Variants in SUMF2 observed in about 807,000 individuals in gnomAD.
SUMF2 encodes sulfatase modifying factor 2, also known as inactive C-alpha-formylglycine-generating enzyme 2.
Under a neutral mutation model 44.8 loss-of-function variants are expected in SUMF2, and 45 were observed. The observed-to-expected ratio is 1.00, with a 90% CI of 0.79 to 1.29. The LOEUF (loss-of-function observed/expected upper bound fraction) is 1.29. SUMF2 is among the 50% of genes most tolerant of loss of function. The pLI is 0.00. For missense variants in SUMF2, 418 were observed against 389.9 expected (o/e 1.07, Z -0.61); for synonymous variants, 148 against 150.4 (o/e 0.98, Z 0.12).
intron 3 of SUMF2, chr7:56,073,767 T>C: frequency 5.0e-6 from 1 of 201,200 alleles, no homozygotes; most frequent in Non-Finnish European, 1.0e-5. Flanking sequence ...CCCCAGCACT[T>C]TGGGAGGCCG....
chr7:56,081,425 T>C, downstream of SUMF2: 2 of 1,313,742 alleles, frequency 1.5e-6, no homozygotes, highest in East Asian at 2.5e-5. The surrounding 1 kb of genome is among the most constrained non-coding windows in gnomAD (Gnocchi z 4.6). Flanking sequence ...GCCTTCCTAG[T>C]GTCCCCCACT....
intron 1 of SUMF2, among the ~76,000 whole-genome samples, chr7:56,066,349 C>G (rs1794799071): frequency 2.0e-5 from 3 of 152,164 alleles, no homozygotes; most frequent in Admixed American, 6.6e-5. Flanking sequence ...CTAGTCCTGT[C>G]TCCTGCTAAC....
rs201721444 is a variant in SUMF2 at position 56,068,626 on chromosome 7, A to G, written c.212A>G (p.Asn71Ser). ...GCCATCGACATATTTCCTGTCACCA[A>G]CAAAGATTTCAGGTACATCAGGTAT... ...PFAIDIFPVT[N>S]KDFRDFVREK... The change falls in exon 2 of 9, where the codon AAC (asparagine) becomes AGC (serine). Residue 71 changes from asparagine to serine, a missense_variant. By Grantham distance (46) the Asn-to-Ser change is conservative. Transcript: ENST00000434526. 54 of 1,613,654 alleles carry G rather than the reference A, an allele frequency of 3.3e-5. No individual in the cohort carries two copies. The highest frequency in any genetic ancestry group is 1.0e-4 in the Admixed American group (6 of 59,962).
At chr7:56,079,032 G>T in intron 8 of SUMF2, 2 of 571,692 alleles carry the variant, frequency 3.5e-6, no homozygotes, top group South Asian at 2.3e-5. Context: ...AAGTATCTGG[G>T]ACTACAGGTG....
rs761175891 is a variant in SUMF2, at chr7:56,074,699, G to A, written c.498G>A (p.Glu166=). Reference sequence around the variant, plus strand: ...GGCGGGGAAAACGACTGCCCACGGAGGAAGAGTGGGAGTTTGCCGCCCGAG... The same window carrying A: ...GGCGGGGAAAACGACTGCCCACGGAAGAAGAGTGGGAGTTTGCCGCCCGAG... The part of the protein sequence containing the change: ...CAWRGKRLPT[E]EEWEFAARGG... The change falls in exon 5 of 9, where the codon GAG becomes GAA. Residue 166 remains glutamate (E), a synonymous_variant. Coordinates refer to ENST00000434526, the MANE Select transcript of SUMF2 (RefSeq NM_015411.4). The A allele has an allele frequency of 1.1e-5, 17 of 1,614,062 alleles. No individual in the cohort carries two copies. In the East Asian group the frequency reaches 3.3e-4, roughly 32 times the overall value.
the SUMF2 span, chr7:56,087,446 C>A: frequency 4.4e-6 from 3 of 688,228 alleles, no homozygotes; most frequent in East Asian, 5.4e-5. Context: ...CTGCCTGGGA[C>A]CCCTTCTATC....
At chr7:56,066,866 C>T (rs554345176) in intron 1 of SUMF2, among the ~76,000 whole-genome samples, 17 of 152,302 alleles carry the variant, frequency 1.1e-4, no homozygotes, top group African/African-American at 3.6e-4. Flanking sequence ...GTAATCTGCC[C>T]GCCTCGGCCT....
At chr7:56,082,496 G>A (rs1254663760), downstream of SUMF2, among the ~76,000 whole-genome samples, 1 of 152,190 alleles carries the variant, frequency 6.6e-6, no homozygotes, top group African/African-American at 2.4e-5. Flanking sequence ...AGGAGGCTGA[G>A]ACAGGAGAAT....
downstream of SUMF2, chr7:56,081,784 A>C (rs199778139): frequency 0.046 from 74,402 of 1,608,790 alleles, 2,545 homozygotes; most frequent in East Asian, 0.2. This position sits in a 1 kb window ranked among gnomAD's most constrained non-coding sequence, Gnocchi z 4.6. Flanking sequence ...GGAACCGAGA[A>C]TGTCAAGGCA....
chr7:56,083,796 A>G (rs2242508), downstream of SUMF2: 415,364 of 946,328 alleles, frequency 0.44, 93,251 homozygotes, highest in African/African-American at 0.67. Flanking sequence ...GCTGCCTTCC[A>G]CCCTGATACC....
chr7:56,079,930 A>G lies in SUMF2; in HGVS notation c.*318A>G. ...GAGCACTCTGAAAGGCCATTTTTTA[A>G]GCATTTTAAAATCTATTCTCTCCCC... On this transcript the variant is annotated 3_prime_UTR_variant, in exon 9 of 9. Transcript: ENST00000434526. 2 of 1,394,048 alleles carry G rather than the reference A, an allele frequency of 1.4e-6. No homozygotes were observed. The highest frequency in any genetic ancestry group is 1.9e-6 in the Non-Finnish European group (2 of 1,042,262). 86.4% of individuals were successfully genotyped at this position (1,394,048 alleles called of 1,614,324 possible). A position where few individuals can be genotyped will look rare whatever the true frequency, so the allele number is the denominator to read the frequency against.
chr7:56,068,488 G>T lies in SUMF2; in HGVS notation c.74G>T (p.Gly25Val), dbSNP rs1794955927. 1 of 1,602,902 alleles carries T rather than the reference G, an allele frequency of 6.2e-7. No homozygotes were observed. The highest frequency in any genetic ancestry group is 1.1e-5 in the South Asian group (1 of 88,314). ...CTCTCTTTTTTCTCTGCAGGAAATGGACAGGCTACTAGCATGGTCCAACTG... is the reference window on the plus strand; with the variant it reads ...CTCTCTTTTTTCTCTGCAGGAAATGTACAGGCTACTAGCATGGTCCAACTG... The part of the protein sequence containing the change: ...LVGAWLKLGN[G>V]QATSMVQLQG... Residue 25 changes from glycine to valine, a missense_variant, in exon 2 of 9, where the codon GGA becomes GTA. By Grantham distance (109) the Gly-to-Val change is moderately radical. Transcript: ENST00000434526.
chr7:56,086,902 G>C, the SUMF2 span: 1 of 1,215,994 alleles, frequency 8.2e-7, no homozygotes. Context: ...AGGCAGCCCT[G>C]GGGTTGGGGA....
chr7:56,077,425 G>A (rs1166071442), intron 6 of SUMF2, among the ~76,000 whole-genome samples: 2 of 148,518 alleles, frequency 1.3e-5, no homozygotes, highest in Non-Finnish European at 3.0e-5. Flanking sequence ...ACTTTGGGAG[G>A]CCGAGGCGGG....
At chr7:56,073,407 C>T in intron 3 of SUMF2, 1 of 401,690 alleles carries the variant, frequency 2.5e-6, no homozygotes, top group Non-Finnish European at 4.8e-6. Flanking sequence ...AATCTCAGCA[C>T]TTTGAGAGGC....
chr7:56,083,713 A>G, downstream of SUMF2: 1 of 1,573,814 alleles, frequency 6.4e-7, no homozygotes. Context: ...CCCTCTCTTC[A>G]TCCTGTGGAA....
chr7:56,078,045 A>G (rs1454586462), intron 6 of SUMF2, 57 bp from the exon 7 acceptor site: 2 of 1,484,476 alleles, frequency 1.3e-6, no homozygotes, highest in Admixed American at 1.8e-5. Flanking sequence ...CTGGATAGGC[A>G]TGAGGACCTG....
At chr7:56,078,218 C>G in intron 7 of SUMF2, 32 bp downstream of exon 7, 1 of 1,593,406 alleles carries the variant, frequency 6.3e-7, no homozygotes, top group Non-Finnish European at 8.6e-7. Context: ...CGGCTGTGCC[C>G]ATGAACTGGC....
chr7:56,073,174 G>A lies in SUMF2; in HGVS notation c.339+63G>A, dbSNP rs769908631. On this transcript the variant is annotated intron_variant, in intron 3 of 8. Coordinates refer to ENST00000434526, the MANE Select transcript of SUMF2 (RefSeq NM_015411.4). ...TGGGACCTGGACAGGGAATCCTGTG[G>A]GACATGGGTTACCTGGGACACAGTG... 2.6e-5 allele frequency: 34 copies of A among 1,297,248 alleles called. No individual in the cohort carries two copies. In the South Asian group the frequency reaches 3.2e-4, roughly 12 times the overall value. 80.4% of individuals were successfully genotyped at this position (1,297,248 alleles called of 1,614,324 possible).
Sources: gnomAD v4.1 joint callset for allele counts (sites outside exome capture counted in the v4.1 genomes callset) on GRCh38, gnomAD v4.1.1 for gene constraint, Gnocchi (gnomAD v3.1) non-coding constraint, MANE v1.5 for transcripts, NCBI Gene and HGNC (gene_info 2026-07-23, HGNC 2026-07-21) for gene names.